Variants in UBL3 observed in about 807,000 individuals in gnomAD.
UBL3 encodes the protein ubiquitin-like protein 3.
In UBL3, 6 loss-of-function variants were observed where a neutral mutation model predicts 18.4. That is an observed-to-expected ratio of 0.33 (90% CI 0.18 to 0.64). UBL3 has a LOEUF of 0.64. Ranked by LOEUF, UBL3 falls within the 30% of genes least tolerant of loss-of-function variation. UBL3 has a pLI of 0.76. For missense variants in UBL3, 109 were observed against 142.9 expected (o/e 0.76, Z 1.21); for synonymous variants, 49 against 46.6 (o/e 1.05, Z -0.21).
chr13:29,801,126 C>T (rs541176287), intron 1 of UBL3, among the ~76,000 whole-genome samples: 1 of 152,288 alleles, frequency 6.6e-6, no homozygotes, highest in East Asian at 1.9e-4. Flanking sequence ...AGGGGTACTG[C>T]CCTTGCCACC....
intron 1 of UBL3, among the ~76,000 whole-genome samples, chr13:29,792,285 TA>T (rs1246467362): frequency 1.3e-5 from 2 of 152,226 alleles, no homozygotes; most frequent in Non-Finnish European, 2.9e-5. Flanking sequence ...TGTTTTCTAA[TA>T]TTTTTTACCG....
In UBL3 at chr13:29,849,577, AC is replaced by A. The variant is rs2139374749; in HGVS notation, c.-40del. 2 of 1,611,480 alleles carry A rather than the reference AC, an allele frequency of 1.2e-6. No homozygotes were observed. The highest frequency in any genetic ancestry group is 2.2e-5 in the East Asian group (1 of 44,866). The stretch of plus-strand genomic sequence containing the variant: ...ATACACCCAGATGTTTACGAAAAAA[AC>A]AAACAAAGAAAAAAGAGCAGAAGTC... On this transcript the variant is annotated 5_prime_UTR_variant, in exon 1 of 5. Coordinates refer to ENST00000380680, the MANE Select transcript of UBL3 (RefSeq NM_007106.4).
chr13:29,795,930 C>A (rs1390256272), intron 1 of UBL3, among the ~76,000 whole-genome samples: 3 of 151,204 alleles, frequency 2.0e-5, no homozygotes, highest in South Asian at 2.1e-4. Context: ...AGACTTTGAT[C>A]TCTCTTTTTT....
chr13:29,835,151 T>TATATATATAA (rs1566001134), intron 1 of UBL3, among the ~76,000 whole-genome samples: 1 of 25,228 alleles, frequency 4.0e-5, no homozygotes, highest in African/African-American at 1.7e-4. Context: ...TATATATATA[T>TATATATATAA]ATATATATAT....
At chr13:29,773,577 C>A (rs2139308592) in intron 2 of UBL3, among the ~76,000 whole-genome samples, 2 of 152,168 alleles carry the variant, frequency 1.3e-5, no homozygotes, top group South Asian at 4.1e-4. Flanking sequence ...TCTAAAAATA[C>A]TTGAATTTTT....
intron 3 of UBL3, among the ~76,000 whole-genome samples, chr13:29,771,551 A>G (rs1876840966): frequency 6.6e-6 from 1 of 152,070 alleles, no homozygotes. Context: ...GGAAACTGGA[A>G]CACAGGTTGG....
chr13:29,775,846 A>G (rs967798865), intron 2 of UBL3, among the ~76,000 whole-genome samples: 3 of 151,958 alleles, frequency 2.0e-5, no homozygotes, highest in African/African-American at 7.3e-5. Flanking sequence ...GAACTCCTTG[A>G]CCTCAAGTGA....
In UBL3 at chr13:29,764,537, T is replaced by C. The variant is rs1565986425; in HGVS notation, c.*2718A>G. The stretch of plus-strand genomic sequence containing the variant: ...CTAAAGATAAATGTTATGAGGAAAC[T>C]TCATTTAACGTGAATGGTAATGTTA... On this transcript the variant is annotated 3_prime_UTR_variant, in exon 5 of 5. Coordinates refer to ENST00000380680, the MANE Select transcript of UBL3 (RefSeq NM_007106.4). 1 of 152,220 alleles carries C rather than the reference T, an allele frequency of 6.6e-6. No homozygotes were observed. The highest frequency in any genetic ancestry group is 1.5e-5 in the Non-Finnish European group (1 of 68,036). The allele number at this position is 152,220 out of a possible 1,614,324, so 9.4% of individuals were successfully genotyped here.
chr13:29,826,789 T>A (rs1334740535), intron 1 of UBL3, among the ~76,000 whole-genome samples: 1 of 152,220 alleles, frequency 6.6e-6, no homozygotes, highest in Non-Finnish European at 1.5e-5. Context: ...GGTGTCAATT[T>A]TAGATCTTTC....
intron 1 of UBL3, among the ~76,000 whole-genome samples, chr13:29,811,422 C>T (rs1251975760): frequency 6.6e-6 from 1 of 152,060 alleles, no homozygotes; most frequent in Non-Finnish European, 1.5e-5. Context: ...ATTAGAGCTA[C>T]AGTAAACTCC....
chr13:29,800,952 GT>G (rs1355384865), intron 1 of UBL3, among the ~76,000 whole-genome samples: 1 of 152,202 alleles, frequency 6.6e-6, no homozygotes, highest in East Asian at 1.9e-4. Context: ...GGGCCAGACT[GT>G]TTTCCATATG....
intron 3 of UBL3, among the ~76,000 whole-genome samples, chr13:29,770,075 T>G (rs531846349): frequency 1.3e-5 from 2 of 152,188 alleles, no homozygotes; most frequent in Non-Finnish European, 1.5e-5. Flanking sequence ...TTACTGATCC[T>G]AAGTCTAATT....
At chr13:29,803,689 C>A (rs1877830226) in intron 1 of UBL3, among the ~76,000 whole-genome samples, 1 of 151,654 alleles carries the variant, frequency 6.6e-6, no homozygotes, top group Admixed American at 6.6e-5. Context: ...TCAAAAAACA[C>A]AAAGATGGAC....
chr13:29,835,151 T>TATATATAA (rs1566001137), intron 1 of UBL3, among the ~76,000 whole-genome samples: 2 of 25,216 alleles, frequency 7.9e-5, no homozygotes, highest in Non-Finnish European at 1.4e-4. Context: ...TATATATATA[T>TATATATAA]ATATATATAT....
Position 29,849,805 on chromosome 13 carries a change from A to ACAG in UBL3, c.-270_-268dup, listed in dbSNP as rs1879323628. The ACAG allele has an allele frequency of 1.7e-6, 1 of 572,800 alleles. No homozygotes were observed. The allele number at this position is 572,800 out of a possible 1,614,324, so 35.5% of individuals were successfully genotyped here. A position where few individuals can be genotyped will look rare whatever the true frequency, so the allele number is the denominator to read the frequency against. ...GCCCCCGTCGTCGTCGTCGTCGTCA[A>ACAG]CAGCAGCAGCAGCCCCAGGACCGGC... On this transcript the variant is annotated 5_prime_UTR_variant, in exon 1 of 5. Transcript: ENST00000380680.
At chr13:29,843,577 A>G (rs1050576824) in intron 1 of UBL3, among the ~76,000 whole-genome samples, 1 of 152,200 alleles carries the variant, frequency 6.6e-6, no homozygotes, top group African/African-American at 2.4e-5. Flanking sequence ...TTTTCATTCT[A>G]TCACCAAATA....
At chr13:29,788,873 GCGCGCGCGCGCACGCGCA>G (rs1176889885) in intron 1 of UBL3, among the ~76,000 whole-genome samples, 33 of 28,340 alleles carry the variant, frequency 1.2e-3, no homozygotes, top group East Asian at 2.6e-3. Flanking sequence ...GTGTGTGTGC[GCGCGCGCGCGCACGCGCA>G]CGTGTGTGCG....
chr13:29,805,533 C>T (rs1426203704), intron 1 of UBL3, among the ~76,000 whole-genome samples: 1 of 152,172 alleles, frequency 6.6e-6, no homozygotes, highest in Non-Finnish European at 1.5e-5. Flanking sequence ...CTTTGAGAAA[C>T]ATGACTATAT....
chr13:29,810,889 T>C (rs1878058307), intron 1 of UBL3, among the ~76,000 whole-genome samples: 2 of 152,136 alleles, frequency 1.3e-5, no homozygotes, highest in Admixed American at 1.3e-4. Flanking sequence ...GTTCTTTTGC[T>C]CACTGTTAAA....
Sources: gnomAD v4.1 joint callset for allele counts (sites outside exome capture counted in the v4.1 genomes callset) on GRCh38, gnomAD v4.1.1 for gene constraint, MANE v1.5 for transcripts, NCBI Gene and HGNC (gene_info 2026-07-23, HGNC 2026-07-21) for gene names.